The following ACOT7 variants were observed in gnomAD, a reference collection of about 807,000 sequenced individuals.
ACOT7 encodes the protein acyl-CoA thioesterase 7.
Under a neutral mutation model 40.2 loss-of-function variants are expected in ACOT7, and 12 were observed. The ratio of observed to expected loss-of-function variants is 0.30; its 90% CI spans 0.19 to 0.48. The LOEUF is 0.48. Among genes scored for constraint, ACOT7 ranks in the 20% least tolerant of loss-of-function variants. The pLI, the probability that ACOT7 is intolerant of heterozygous loss-of-function variation, is 0.99. For missense variants in ACOT7, 395 were observed against 530.8 expected (o/e 0.74, Z 2.51); for synonymous variants, 228 against 219.5 (o/e 1.04, Z -0.34).
At chr1:6,353,629 G>A (rs1046954523) in intron 1 of ACOT7, among the ~76,000 whole-genome samples, 8 of 152,178 alleles carry the variant, frequency 5.3e-5, no homozygotes, top group African/African-American at 9.7e-5. Context: ...GTGAGACTTC[G>A]TCTCAAAAGA....
intron 1 of ACOT7, among the ~76,000 whole-genome samples, chr1:6,368,470 C>T (rs1303204949): frequency 6.6e-6 from 1 of 152,196 alleles, no homozygotes; most frequent in Non-Finnish European, 1.5e-5. Flanking sequence ...TATGCAGGTG[C>T]AGCATCACCC....
rs925154916 is a variant in ACOT7, at chr1:6,299,614, C to T, written c.713-4634G>A. Among the ~76,000 whole-genome samples, 1 of 151,980 alleles carries T rather than the reference C, an allele frequency of 6.6e-6. No homozygotes were observed. Among genetic ancestry groups the T allele is most frequent in the Non-Finnish European group, 1.5e-5 (1 of 68,028 alleles). On this transcript the variant is annotated intron_variant, in intron 6 of 8. Transcript: ENST00000361521. This position sits in a 1 kb window ranked among gnomAD's most constrained non-coding sequence, Gnocchi z 4.1. ...GGCAGAGAGGCCCACCCGGCCACCT[C>T]CTGACTAGGTACTAGGTCATGGCTT... is the stretch of plus-strand genomic sequence containing the variant.
intron 1 of ACOT7, among the ~76,000 whole-genome samples, chr1:6,378,063 C>T (rs1357862120): frequency 4.0e-5 from 6 of 148,766 alleles, no homozygotes; most frequent in African/African-American, 1.3e-4. Context: ...GAGCAAGACT[C>T]GTCAAAACAA....
In ACOT7 at chr1:6,355,831, C is replaced by T. The variant is rs570767835; in HGVS notation, c.144-5965G>A. ...CTCGCAGGACAGCCCGAGCCTGTTC[C>T]GCAGCGGGAGTGAGGCGCCTGGAAC... On this transcript the variant is annotated intron_variant, in intron 1 of 8. Coordinates refer to ENST00000361521, the MANE Select transcript of ACOT7 (RefSeq NM_007274.4). This position sits in a 1 kb window ranked among gnomAD's most constrained non-coding sequence, Gnocchi z 5.0. Among the ~76,000 whole-genome samples the T allele has an allele frequency of 1.1e-4, 17 of 152,154 alleles. No individual in the cohort carries two copies. The highest frequency in any genetic ancestry group is 3.9e-4 in the Admixed American group (6 of 15,280).
chr1:6,264,609 C>T lies in ACOT7; in HGVS notation c.1101G>A (p.Glu367=). 1 of 1,612,264 alleles carries T rather than the reference C, an allele frequency of 6.2e-7. No homozygotes were observed. Among genetic ancestry groups the T allele is most frequent in the South Asian group, 1.1e-5 (1 of 90,892 alleles). Reference sequence around the variant, plus strand: ...AGGAGGAGGGAGTCTAGGGCTGAGGCTCCGCGTGGCCCTGTCGCTTCGCCT... The same window carrying T: ...AGGAGGAGGGAGTCTAGGGCTGAGGTTCCGCGTGGCCCTGTCGCTTCGCCT... The part of the protein sequence containing the change: ...QMKAKRQGHA[E]PQP The change falls in exon 9 of 9, where the codon GAG becomes GAA. Residue 367 remains glutamate (E), a synonymous_variant. Transcript: ENST00000361521.
Position 6,306,789 on chromosome 1 carries a change from A to C in ACOT7, c.712+11703T>G. 1 of 1,288,308 alleles carries C rather than the reference A, an allele frequency of 7.8e-7. No individual in the cohort carries two copies. The highest frequency in any genetic ancestry group is 1.0e-6 in the Non-Finnish European group (1 of 988,150). 79.8% of individuals were successfully genotyped at this position (1,288,308 alleles called of 1,614,324 possible). A position where few individuals can be genotyped will look rare whatever the true frequency, so the allele number is the denominator to read the frequency against. On this transcript the variant is annotated intron_variant, in intron 6 of 8. Transcript: ENST00000361521. This position sits in a 1 kb window ranked among gnomAD's most constrained non-coding sequence, Gnocchi z 4.3. ...CTGAGGGTCTGGTGTGTTGTGTCCC[A>C]CGTAGCAGTGGGGGCTCCGGCCAAA... is the stretch of plus-strand genomic sequence containing the variant.
chr1:6,348,279 C>T lies in ACOT7; in HGVS notation c.261+1470G>A, dbSNP rs79154635. On this transcript the variant is annotated intron_variant, in intron 2 of 8. Transcript: ENST00000361521. Reference sequence around the variant, plus strand: ...TCCCCCACATCCACGTCCAACCATCCGCACTTACTGTGGCTTGGTTCATTC... The same window carrying T: ...TCCCCCACATCCACGTCCAACCATCTGCACTTACTGTGGCTTGGTTCATTC... 9.3e-3 allele frequency among the ~76,000 whole-genome samples: 1,412 copies of T among 152,274 alleles called. 13 individuals carry two copies. Among genetic ancestry groups the T allele is most frequent in the Non-Finnish European group, 0.013 (891 of 68,018 alleles).
At chr1:6,316,145 A>G (rs559785857) in intron 6 of ACOT7, among the ~76,000 whole-genome samples, 4 of 152,346 alleles carry the variant, frequency 2.6e-5, no homozygotes, top group African/African-American at 9.6e-5. Flanking sequence ...CCAGAGTTTC[A>G]CAAATTCCAG....
rs1642244501 is a variant in ACOT7, at chr1:6,376,968, C to T, written c.143+16289G>A. ...TAAGAGGATATACAGACAGCAAATA[C>T]GCACATGAAAAGATGCTCAACACCT... is the stretch of plus-strand genomic sequence containing the variant. On this transcript the variant is annotated intron_variant, in intron 1 of 8. Coordinates refer to ENST00000361521, the MANE Select transcript of ACOT7 (RefSeq NM_007274.4). Among the ~76,000 whole-genome samples the T allele has an allele frequency of 1.3e-5, 2 of 152,182 alleles. 1 individual carries two copies. The highest frequency in any genetic ancestry group is 4.8e-5 in the African/African-American group (2 of 41,432).
At chr1:6,276,076 G>A (rs1259598037) in intron 8 of ACOT7, among the ~76,000 whole-genome samples, 15 of 152,066 alleles carry the variant, frequency 9.9e-5, no homozygotes, top group African/African-American at 3.1e-4. Context: ...GGGCCTCAGC[G>A]AGCCCCTCAC....
intron 2 of ACOT7, among the ~76,000 whole-genome samples, chr1:6,344,657 G>A (rs924170871): frequency 6.6e-6 from 1 of 151,250 alleles, no homozygotes; most frequent in Non-Finnish European, 1.5e-5. Context: ...ACAGCTACTC[G>A]GGAGGCTGAG....
Position 6,393,496 on chromosome 1 carries a change from C to G in ACOT7, c.-97G>C. On this transcript the variant is annotated 5_prime_UTR_variant, in exon 1 of 9. Transcript: ENST00000361521. ...GGCCTCCCCGCGCCGACCCCGCCCCCGCGCCGGCCCCACCCCGAGCCCCGC... is the reference window on the plus strand; with the variant it reads ...GGCCTCCCCGCGCCGACCCCGCCCCGGCGCCGGCCCCACCCCGAGCCCCGC... The G allele has an allele frequency of 9.1e-7, 1 of 1,098,210 alleles. No individual in the cohort carries two copies. The highest frequency in any genetic ancestry group is 1.1e-6 in the Non-Finnish European group (1 of 873,252). 68.0% of individuals were successfully genotyped at this position (1,098,210 alleles called of 1,614,324 possible).
chr1:6,374,199 G>A (rs983828106), intron 1 of ACOT7, among the ~76,000 whole-genome samples: 1 of 152,168 alleles, frequency 6.6e-6, no homozygotes, highest in African/African-American at 2.4e-5. Flanking sequence ...TGGCAGCTGC[G>A]CCCACGTCCC....
intron 2 of ACOT7, among the ~76,000 whole-genome samples, chr1:6,349,014 A>C (rs1241810779): frequency 6.6e-6 from 1 of 152,184 alleles, no homozygotes; most frequent in Non-Finnish European, 1.5e-5. Flanking sequence ...CATAGTGCAG[A>C]GGCTGCAGCT....
intron 1 of ACOT7, among the ~76,000 whole-genome samples, chr1:6,383,089 G>C (rs561546702): frequency 6.6e-6 from 1 of 151,654 alleles, no homozygotes; most frequent in Admixed American, 6.6e-5. Flanking sequence ...ATGTTGGCCA[G>C]GCTGGTCTCC....
chr1:6,385,866 T>C (rs1642432366), intron 1 of ACOT7: 2 of 1,387,378 alleles, frequency 1.4e-6, no homozygotes, highest in South Asian at 1.5e-5. Context: ...CGGAACTGGA[T>C]CACAGGATGT....
At chr1:6,321,791 C>T (rs1368931654) in intron 5 of ACOT7, among the ~76,000 whole-genome samples, 3 of 152,202 alleles carry the variant, frequency 2.0e-5, no homozygotes, top group South Asian at 2.1e-4. Flanking sequence ...CGTAAGCCAC[C>T]GGGCCCAGCC....
rs3838286 is a variant in ACOT7 at position 6,299,665 on chromosome 1, AGT to A, written c.713-4687_713-4686del. Among the ~76,000 whole-genome samples, 9,177 of 147,792 alleles carry A rather than the reference AGT, an allele frequency of 0.062. 756 individuals carry two copies. The highest frequency in any genetic ancestry group is 0.19 in the African/African-American group (7,793 of 40,208). On this transcript the variant is annotated intron_variant, in intron 6 of 8. Coordinates refer to ENST00000361521, the MANE Select transcript of ACOT7 (RefSeq NM_007274.4). This position sits in a 1 kb window ranked among gnomAD's most constrained non-coding sequence, Gnocchi z 4.1. ...CAGAGAGAGAGAGAGAGAGAGCGCA[AGT>A]GTGTGTGTGTGTGTGTGTGTGTGTA...
Position 6,306,115 on chromosome 1 carries a change from T to C in ACOT7, c.713-11135A>G, listed in dbSNP as rs1014097027. Reference sequence around the variant, plus strand: ...GAGGCAGGAGAATCAGGCAGGGAGGTTGCAGTGAGCCAAGATGGCAGCAGC... The same window carrying C: ...GAGGCAGGAGAATCAGGCAGGGAGGCTGCAGTGAGCCAAGATGGCAGCAGC... On this transcript the variant is annotated intron_variant, in intron 6 of 8. Transcript: ENST00000361521. The surrounding 1 kb of genome is among the most constrained non-coding windows in gnomAD (Gnocchi z 4.3). The C allele has an allele frequency of 2.0e-3, 914 of 451,746 alleles. 5 individuals are homozygous for C. Among genetic ancestry groups the C allele is most frequent in the African/African-American group, 0.019 (855 of 45,004 alleles). The allele number at this position is 451,746 out of a possible 1,614,324, so 28.0% of individuals were successfully genotyped here.
Sources: gnomAD v4.1 joint callset for allele counts (sites outside exome capture counted in the v4.1 genomes callset) on GRCh38, gnomAD v4.1.1 for gene constraint, Gnocchi (gnomAD v3.1) non-coding constraint, MANE v1.5 for transcripts, NCBI Gene and HGNC (gene_info 2026-07-23, HGNC 2026-07-21) for gene names.